TFEC: variants seen among roughly 807,000 people sequenced by gnomAD.
TFEC encodes class E basic helix-loop-helix protein 34.
TFEC carries 31 observed loss-of-function variants against 41.6 expected under a neutral mutation model. That is an observed-to-expected ratio of 0.74 (90% CI 0.56 to 1.01). The LOEUF is 1.01. Among genes scored for constraint, TFEC ranks in the 50% least tolerant of loss-of-function variants. TFEC has a pLI of 0.00. For synonymous variants in TFEC, 143 were observed against 140.6 expected (o/e 1.02, Z -0.12); for missense variants, 402 against 404.1 (o/e 0.99, Z 0.04).
intron 1 of TFEC, among the ~76,000 whole-genome samples, chr7:116,020,319 G>T (rs1349013695): frequency 1.3e-5 from 2 of 152,134 alleles, no homozygotes; most frequent in African/African-American, 4.8e-5. Context: ...TCTGTGAGTT[G>T]CTGGTAGGGA....
chr7:116,075,914 C>A (rs1435122372), intron 3 of TFEC, among the ~76,000 whole-genome samples: 1 of 152,180 alleles, frequency 6.6e-6, no homozygotes, highest in African/African-American at 2.4e-5. Context: ...CCCTGTAACA[C>A]CACAGCTAAT....
At chr7:116,016,178 G>T (rs1171665291) in intron 1 of TFEC, among the ~76,000 whole-genome samples, 2 of 152,162 alleles carry the variant, frequency 1.3e-5, no homozygotes, top group African/African-American at 4.8e-5. Context: ...AGGGATGAGG[G>T]AAGAGAAGGA....
chr7:115,944,167 A>T (rs1055764358), intron 6 of TFEC, among the ~76,000 whole-genome samples: 1 of 150,732 alleles, frequency 6.6e-6, no homozygotes, highest in African/African-American at 2.4e-5. Flanking sequence ...AAGTAAAAAA[A>T]CTTCAAACTA....
intron 1 of TFEC, among the ~76,000 whole-genome samples, chr7:116,121,907 T>C (rs190997879): frequency 1.4e-3 from 212 of 152,104 alleles, no homozygotes; most frequent in Non-Finnish European, 2.5e-3. Context: ...TTCATTAAAA[T>C]GTAGCTATTG....
At chr7:116,000,813 A>G (rs1794563085) in intron 1 of TFEC, among the ~76,000 whole-genome samples, 1 of 152,166 alleles carries the variant, frequency 6.6e-6, no homozygotes, top group Non-Finnish European at 1.5e-5. Flanking sequence ...ACACCAAAAA[A>G]TGGGAAGACA....
At chr7:116,127,642 T>C (rs1434545423) in intron 1 of TFEC, among the ~76,000 whole-genome samples, 6 of 147,450 alleles carry the variant, frequency 4.1e-5, no homozygotes, top group Non-Finnish European at 8.9e-5. Flanking sequence ...CTCATTTTGC[T>C]ATTACCACCA....
Position 115,939,924 on chromosome 7 carries a change from G to A in TFEC, c.*627C>T, listed in dbSNP as rs1198122671. The A allele has an allele frequency of 1.3e-5, 2 of 152,024 alleles. No individual in the cohort carries two copies. The highest frequency in any genetic ancestry group is 2.9e-5 in the Non-Finnish European group (2 of 67,984). 9.4% of individuals were successfully genotyped at this position (152,024 alleles called of 1,614,324 possible). A position where few individuals can be genotyped will look rare whatever the true frequency, so the allele number is the denominator to read the frequency against. Reference sequence around the variant, plus strand: ...GTAATTGAACCAACTACAATAAAATGAGGATCTAATTTTAGTAACCAATGT... The same window carrying A: ...GTAATTGAACCAACTACAATAAAATAAGGATCTAATTTTAGTAACCAATGT... On this transcript the variant is annotated 3_prime_UTR_variant, in exon 8 of 8. Transcript: ENST00000265440.
intron 1 of TFEC, among the ~76,000 whole-genome samples, chr7:116,027,495 G>C (rs114840282): frequency 6.6e-6 from 1 of 152,086 alleles, no homozygotes; most frequent in Admixed American, 6.6e-5. Context: ...ACTCTGGGGG[G>C]TTGAGGCGGG....
chr7:116,083,574 T>C (rs1797137759), intron 3 of TFEC, among the ~76,000 whole-genome samples: 1 of 151,976 alleles, frequency 6.6e-6, no homozygotes, highest in African/African-American at 2.4e-5. Flanking sequence ...AAACTCTTGA[T>C]GTCTTTACAC....
At chr7:116,053,786 G>T (rs1796367450) in intron 3 of TFEC, among the ~76,000 whole-genome samples, 1 of 152,032 alleles carries the variant, frequency 6.6e-6, no homozygotes, top group Non-Finnish European at 1.5e-5. Context: ...TACAACTTTG[G>T]ACATCTCAAT....
rs1796936087 is a variant in TFEC at position 116,075,463 on chromosome 7, GA to G, written c.198+35244del. On this transcript the variant is annotated intron_variant, in intron 3 of 8. Coordinates refer to the TFEC transcript ENST00000484212. ...TGGGTGTGCTTGCCTTCTCAACAGG[GA>G]GGCTCGTGGTCTGGGGCAAGTTCTC... 2.0e-5 allele frequency among the ~76,000 whole-genome samples: 3 copies of G among 152,274 alleles called. No homozygotes were observed. The South Asian group carries it at 6.2e-4, about 32-fold the overall frequency.
intron 1 of TFEC, among the ~76,000 whole-genome samples, chr7:116,115,911 T>C (rs1286220626): frequency 1.3e-5 from 2 of 151,956 alleles, no homozygotes; most frequent in Admixed American, 1.3e-4. Context: ...CCCTAAGACA[T>C]AGGCATAATT....
intron 6 of TFEC, among the ~76,000 whole-genome samples, chr7:115,949,621 T>C (rs1791817660): frequency 6.6e-6 from 1 of 152,002 alleles, no homozygotes; most frequent in Non-Finnish European, 1.5e-5. Context: ...ATTTAATAAA[T>C]GGTGCTGGGA....
intron 1 of TFEC, among the ~76,000 whole-genome samples, chr7:115,995,502 T>C (rs1205623664): frequency 1.3e-5 from 2 of 152,174 alleles, no homozygotes; most frequent in Non-Finnish European, 2.9e-5. Flanking sequence ...TATTTGGTTG[T>C]TACAAGATAT....
chr7:116,092,047 G>C (rs148685522), intron 3 of TFEC, among the ~76,000 whole-genome samples: 138 of 152,098 alleles, frequency 9.1e-4, no homozygotes, highest in Non-Finnish European at 1.5e-3. Context: ...CATTTTAATG[G>C]AAACACTGTC....
chr7:116,150,255 C>A (rs1390394773), intron 1 of TFEC, among the ~76,000 whole-genome samples: 1 of 152,144 alleles, frequency 6.6e-6, no homozygotes, highest in Non-Finnish European at 1.5e-5. Context: ...GAAGGCCTTA[C>A]TTCTGTTTAA....
At chr7:116,001,182 A>G (rs989055791) in intron 1 of TFEC, among the ~76,000 whole-genome samples, 1 of 152,202 alleles carries the variant, frequency 6.6e-6, no homozygotes, top group African/African-American at 2.4e-5. Flanking sequence ...AAAGGTGCCA[A>G]TAACACATAT....
chr7:116,041,926 T>C (rs1796046670), intron 3 of TFEC, among the ~76,000 whole-genome samples: 1 of 152,076 alleles, frequency 6.6e-6, no homozygotes, highest in Non-Finnish European at 1.5e-5. Context: ...GATGCATCTC[T>C]CACACAATAT....
chr7:116,044,943 G>A (rs1168249155), intron 3 of TFEC, among the ~76,000 whole-genome samples: 1 of 152,194 alleles, frequency 6.6e-6, no homozygotes, highest in Non-Finnish European at 1.5e-5. Flanking sequence ...GAATGATGTG[G>A]GGAAACCTGA....
Sources: allele counts gnomAD v4.1 joint callset (sites outside exome capture counted in the v4.1 genomes callset), GRCh38; gene constraint gnomAD v4.1.1; transcripts MANE v1.5; gene names NCBI Gene and HGNC (gene_info 2026-07-23, HGNC 2026-07-21).